POTEC: variants seen among roughly 807,000 people sequenced by gnomAD.
The protein encoded by POTEC is ANKRD26-like family B member 2.
Under a neutral mutation model 62.0 loss-of-function variants are expected in POTEC, and 35 were observed. The ratio of observed to expected loss-of-function variants is 0.56; its 90% CI spans 0.43 to 0.75. POTEC has a LOEUF of 0.75. Among genes scored for constraint, POTEC ranks in the 30% least tolerant of loss-of-function variants. The pLI, the probability that POTEC is intolerant of heterozygous loss-of-function variation, is 0.00. For missense variants in POTEC, 472 were observed against 655.9 expected, an observed-to-expected ratio of 0.72 and a Z score of 3.06; for synonymous variants, 156 against 221.5, an observed-to-expected ratio of 0.70 and a Z score of 2.62.
chr18:14,529,840 TG>T (rs1905441435), intron 6 of POTEC, among the ~76,000 whole-genome samples: 1 of 152,070 alleles, frequency 6.6e-6, no homozygotes, highest in African/African-American at 2.4e-5. Flanking sequence ...GACAAGGATA[TG>T]TAACATGACT....
chr18:14,537,172 AACACACACACACAC>A (rs1158054861), intron 3 of POTEC, among the ~76,000 whole-genome samples: 3 of 64,750 alleles, frequency 4.6e-5, no homozygotes, highest in African/African-American at 1.8e-4. Flanking sequence ...CAACAATAAC[AACACACACACACAC>A]ACACACACAC....
Position 14,542,902 on chromosome 18 carries a change from G to A in POTEC, c.245C>T (p.Thr82Ile). The part of the protein sequence containing the change: ...CRGSGTSNVG[T>I]SGDHDNSFMK... ...AAAGGAGTTGTCATGGTCTCCAGAA[G>A]TGCCCACGTTGCTCGTGCCGCTCCC... The change falls in exon 1 of 11, where the codon ACT (threonine) becomes ATT (isoleucine). Residue 82 changes from threonine to isoleucine, a missense_variant. Thr to Ile is a moderately conservative substitution (Grantham distance 89, BLOSUM62 -1). Coordinates refer to ENST00000358970, the MANE Select transcript of POTEC (RefSeq NM_001137671.2). The A allele has an allele frequency of 1.6e-6, 2 of 1,268,824 alleles. No individual in the cohort carries two copies. Among genetic ancestry groups the A allele is most frequent in the Non-Finnish European group, 2.2e-6 (2 of 919,398 alleles). The allele number at this position is 1,268,824 out of a possible 1,614,324, so 78.6% of individuals were successfully genotyped here.
intron 9 of POTEC, among the ~76,000 whole-genome samples, chr18:14,517,813 A>C (rs186883764): frequency 1.6e-3 from 245 of 152,312 alleles, no homozygotes; most frequent in African/African-American, 5.7e-3. Flanking sequence ...GTGAACTGAG[A>C]TCATACCACT....
chr18:14,516,859 G>T (rs561602420), intron 9 of POTEC, among the ~76,000 whole-genome samples: 1 of 151,686 alleles, frequency 6.6e-6, no homozygotes, highest in African/African-American at 2.4e-5. Context: ...TTTAAATGAG[G>T]TAAAGTTGTA....
chr18:14,532,328 A>G (rs1905552882), intron 5 of POTEC, among the ~76,000 whole-genome samples: 1 of 152,066 alleles, frequency 6.6e-6, no homozygotes, highest in South Asian at 2.1e-4. Flanking sequence ...GTGTGCGGAT[A>G]AAGTCAGGAT....
rs1448684193 is a variant in POTEC at position 14,507,763 on chromosome 18, G to A, written c.*4135C>T. On this transcript the variant is annotated 3_prime_UTR_variant, in exon 11 of 11. Coordinates refer to ENST00000358970, the MANE Select transcript of POTEC (RefSeq NM_001137671.2). ...GTGCTTCCTTCAGGAGCTCTTGTAA[G>A]GTAGGTCTGGTGATAACGAATTCCC... 2 of 152,172 alleles carry A rather than the reference G, an allele frequency of 1.3e-5. No individual in the cohort carries two copies. The highest frequency in any genetic ancestry group is 2.9e-5 in the Non-Finnish European group (2 of 68,034). 9.4% of individuals were successfully genotyped at this position (152,172 alleles called of 1,614,324 possible).
rs1906032825 is a variant in POTEC at position 14,543,394 on chromosome 18, C to CT, written c.-249dup. The stretch of plus-strand genomic sequence containing the variant: ...CACCCCAGGAAAGGCCAAGCCCCCC[C>CT]TCCCAAGGAAACACCCAGCCCAGTC... On this transcript the variant is annotated 5_prime_UTR_variant, in exon 1 of 11. Coordinates refer to ENST00000358970, the MANE Select transcript of POTEC (RefSeq NM_001137671.2). 2 of 645,760 alleles carry CT rather than the reference C, an allele frequency of 3.1e-6. No homozygotes were observed. Among genetic ancestry groups the CT allele is most frequent in the East Asian group, 5.7e-5 (2 of 35,374 alleles). The allele number at this position is 645,760 out of a possible 1,614,324, so 40.0% of individuals were successfully genotyped here.
intron 5 of POTEC, among the ~76,000 whole-genome samples, chr18:14,531,964 A>G (rs1434593504): frequency 6.6e-6 from 1 of 151,004 alleles, no homozygotes; most frequent in Non-Finnish European, 1.5e-5. Flanking sequence ...AGCTTGGATG[A>G]TTTTCATTAT....
At position 14,511,906 on chromosome 18, in the gene POTEC, A is replaced by C. The variant is rs1194834853; in HGVS notation, c.1621T>G (p.Trp541Gly). Residue 541 changes from tryptophan to glycine, a missense_variant, in exon 11 of 11, where the codon TGG becomes GGG. Trp to Gly is a radical substitution (Grantham distance 184). Around this residue, in one of 5 missense-constraint regions of POTEC, gnomAD observed 67 missense variants for 58.3 expected, o/e 1.15. Coordinates refer to ENST00000358970, the MANE Select transcript of POTEC (RefSeq NM_001137671.2). Reference protein sequence around the residue: ...EEIAMLISGDWN With the variant: ...EEIAMLISGDGN ...CTGATGTTTTGTTTCATCTAGTTCCAGTCTCCAGAAATTAGCATGGCAATT... is the reference window on the plus strand; with the variant it reads ...CTGATGTTTTGTTTCATCTAGTTCCCGTCTCCAGAAATTAGCATGGCAATT... 1.2e-6 allele frequency: 2 copies of C among 1,613,702 alleles called. No individual in the cohort carries two copies. The highest frequency in any genetic ancestry group is 1.7e-5 in the Admixed American group (1 of 59,996).
chr18:14,517,682 T>C (rs549061160), intron 9 of POTEC, among the ~76,000 whole-genome samples: 123 of 151,818 alleles, frequency 8.1e-4, no homozygotes, highest in African/African-American at 2.8e-3. Context: ...ACCAACGGGG[T>C]GAAACCCCAT....
In POTEC at chr18:14,526,366, C is replaced by T. The variant is rs143792328; in HGVS notation, c.1127-1383G>A. 3.1e-3 allele frequency among the ~76,000 whole-genome samples: 466 copies of T among 152,222 alleles called. 1 individual carries two copies. The highest frequency in any genetic ancestry group is 0.01 in the African/African-American group (432 of 41,554). ...CATTATTCTTCCACAGGTCTGTCCC[C>T]TCTACTCCAAGACTGCAGAGGACAG... On this transcript the variant is annotated intron_variant, in intron 6 of 10. Coordinates refer to ENST00000358970, the MANE Select transcript of POTEC (RefSeq NM_001137671.2).
At chr18:14,537,196 CACACACACACACACAAAA>C (rs1244161757) in intron 3 of POTEC, among the ~76,000 whole-genome samples, 3 of 83,720 alleles carry the variant, frequency 3.6e-5, no homozygotes, top group East Asian at 5.1e-4. Context: ...CACACACACA[CACACACACACACACAAAA>C]AAAAAAAAAA....
intron 4 of POTEC, among the ~76,000 whole-genome samples, chr18:14,533,642 C>A (rs538617516): frequency 7.4e-4 from 113 of 152,262 alleles, no homozygotes; most frequent in African/African-American, 2.7e-3. Context: ...ATAGTAGTCA[C>A]AGGAGTTTCA....
rs1910328361 is a variant in POTEC at position 14,522,163 on chromosome 18, T to C, written c.1409+91A>G. ...GCAAGGCTGAATATTCTAGTAAAAG[T>C]ATAAAATTTGTTCATCATGAATATT... On this transcript the variant is annotated intron_variant, in intron 9 of 10. Coordinates refer to ENST00000358970, the MANE Select transcript of POTEC (RefSeq NM_001137671.2). 3.2e-6 allele frequency: 5 copies of C among 1,571,596 alleles called. No homozygotes were observed. The East Asian group carries it at 6.8e-5, about 21-fold the overall frequency.
chr18:14,534,465 T>C (rs1905639722), intron 4 of POTEC, among the ~76,000 whole-genome samples: 1 of 151,650 alleles, frequency 6.6e-6, no homozygotes, highest in Non-Finnish European at 1.5e-5. Context: ...AGCAGAGTCG[T>C]TGAAAAGATA....
Position 14,511,957 on chromosome 18 carries a change from G to A in POTEC, c.1570C>T (p.Arg524Cys), listed in dbSNP as rs755889174. Residue 524 changes from arginine (R) to cysteine (C), a missense_variant, in exon 11 of 11, where the codon CGT becomes TGT. Arg to Cys is a radical substitution (Grantham distance 180, BLOSUM62 -3). Coordinates refer to ENST00000358970, the MANE Select transcript of POTEC (RefSeq NM_001137671.2). ...LSHKKEEDLLRENSMLQEEIA... is the reference protein window; with the variant it reads ...LSHKKEEDLLCENSMLQEEIA... ...TCTTCCTGCAACATGCTGTTTTCAC[G>A]CAAGAGATCTTCTTCTTTCTTATGA... 1.9e-5 allele frequency: 31 copies of A among 1,613,550 alleles called. No individual in the cohort carries two copies. The highest frequency in any genetic ancestry group is 4.0e-5 in the African/African-American group (3 of 74,832).
chr18:14,511,976 C>T lies in POTEC; in HGVS notation c.1551G>A (p.Lys517=). The T allele has an allele frequency of 6.2e-7, 1 of 1,613,350 alleles. No homozygotes were observed. Among genetic ancestry groups the T allele is most frequent in the South Asian group, 1.1e-5 (1 of 91,032 alleles). ...KMNSELSLSH[K]KEEDLLRENS... ...TTTCACGCAAGAGATCTTCTTCTTT[C>T]TTATGACTAAGAGAAAGCTAAGTAA... Residue 517 remains lysine (K), a synonymous_variant, in exon 11 of 11, where the codon AAG becomes AAA. Coordinates refer to ENST00000358970, the MANE Select transcript of POTEC (RefSeq NM_001137671.2).
In POTEC at chr18:14,511,388, G is replaced by A. The variant is rs45467497; in HGVS notation, c.*510C>T. 20,283 of 299,478 alleles carry A rather than the reference G, an allele frequency of 0.068. 820 individuals are homozygous for A. Among genetic ancestry groups the A allele is most frequent in the Non-Finnish European group, 0.078 (12,248 of 156,856 alleles). 18.6% of individuals were successfully genotyped at this position (299,478 alleles called of 1,614,324 possible). The stretch of plus-strand genomic sequence containing the variant: ...TCTCCAAAGCCCGCACGCTGGAATC[G>A]CTAAGTTGCCCAAACAGGAAAGATG... On this transcript the variant is annotated 3_prime_UTR_variant, in exon 11 of 11. Transcript: ENST00000358970.
chr18:14,542,776 T>A lies in POTEC; in HGVS notation c.371A>T (p.Asp124Val), dbSNP rs201022558. Residue 124 changes from aspartate to valine, a missense_variant, in exon 1 of 11, where the codon GAC becomes GTC. Asp to Val is a radical substitution (Grantham distance 152). Around this residue, in one of 5 missense-constraint regions of POTEC, gnomAD observed 257 missense variants for 250.7 expected, o/e 1.03. Coordinates refer to ENST00000358970, the MANE Select transcript of POTEC (RefSeq NM_001137671.2). ...KSNVGAWGDY[D>V]DSAFMEPRYH... ...CCTCGGCTCCATGAAGGCGCTGTCG[T>A]CGTAGTCTCCCCAAGCGCCCACGTT... 1.2e-3 allele frequency: 1,911 copies of A among 1,613,788 alleles called. 3 individuals carry two copies. The highest frequency in any genetic ancestry group is 2.0e-3 in the Admixed American group (123 of 60,014).
Sources: gnomAD v4.1 joint callset for allele counts (sites outside exome capture counted in the v4.1 genomes callset) on GRCh38, gnomAD v4.1.1 for gene constraint, gnomAD v4.1.1 regional missense constraint, MANE v1.5 for transcripts, NCBI Gene and HGNC (gene_info 2026-07-23, HGNC 2026-07-21) for gene names.